The following CALN1 variants were observed in gnomAD, a reference collection of about 807,000 sequenced individuals.
The protein encoded by CALN1 is calcium-binding protein 8.
In CALN1, 17 loss-of-function variants were observed where a neutral mutation model predicts 30.6. The ratio of observed to expected loss-of-function variants is 0.56; its 90% CI spans 0.38 to 0.83. The LOEUF is 0.83. CALN1 is among the 40% of genes least tolerant of loss of function. The pLI is 0.00. For missense variants in CALN1, 291 were observed against 354.9 expected (o/e 0.82, Z 1.45); for synonymous variants, 156 against 131.4 (o/e 1.19, Z -1.28).
chr7:72,499,770 TTTCTTTCC>T, the CALN1 span, among the ~76,000 whole-genome samples: 88 of 127,064 alleles, frequency 6.9e-4, no homozygotes, highest in African/African-American at 1.0e-3. Flanking sequence ...CAAAACTTTC[TTTCTTTCC>T]TTCCTTCCTT....
chr7:72,029,239 G>A (rs1377753415), intron 4 of CALN1, among the ~76,000 whole-genome samples: 1 of 151,886 alleles, frequency 6.6e-6, no homozygotes, highest in Non-Finnish European at 1.5e-5. Context: ...CCATTCTCCT[G>A]CCTCAGCCTC....
chr7:72,032,830 C>T (rs1029859771), intron 4 of CALN1, among the ~76,000 whole-genome samples: 1 of 151,942 alleles, frequency 6.6e-6, no homozygotes, highest in Non-Finnish European at 1.5e-5. Context: ...AAGTCTCTTC[C>T]ACCAGAAAAG....
chr7:72,374,829 T>C (rs566080323), intron 2 of CALN1, among the ~76,000 whole-genome samples: 5 of 152,308 alleles, frequency 3.3e-5, no homozygotes, highest in African/African-American at 9.6e-5. Context: ...TATTACCACA[T>C]ATTTTGCTCA....
intron 5 of CALN1, among the ~76,000 whole-genome samples, chr7:71,852,810 G>T (rs960872383): frequency 2.0e-5 from 3 of 152,112 alleles, no homozygotes; most frequent in Admixed American, 6.6e-5. Context: ...CTAGACAAAT[G>T]ATGTTGTACG....
At chr7:72,070,799 T>G (rs1316321561) in intron 4 of CALN1, among the ~76,000 whole-genome samples, 2 of 152,216 alleles carry the variant, frequency 1.3e-5, no homozygotes, top group African/African-American at 4.8e-5. Context: ...GACCAAACTT[T>G]GCAGTTTTTA....
At chr7:72,128,206 C>A (rs777356494) in intron 3 of CALN1, among the ~76,000 whole-genome samples, 1 of 152,058 alleles carries the variant, frequency 6.6e-6, no homozygotes, top group African/African-American at 2.4e-5. Flanking sequence ...TAGGAAAACA[C>A]AAGCAATAGG....
chr7:71,947,557 G>A (rs1796467915), intron 5 of CALN1, among the ~76,000 whole-genome samples: 1 of 152,178 alleles, frequency 6.6e-6, no homozygotes, highest in South Asian at 2.1e-4. Context: ...TAAAAGTGAA[G>A]AAAATTATAC....
At chr7:72,308,788 G>C (rs1484782444) in intron 2 of CALN1, among the ~76,000 whole-genome samples, 1 of 152,102 alleles carries the variant, frequency 6.6e-6, no homozygotes, top group Non-Finnish European at 1.5e-5. Flanking sequence ...GGTGGGGGCA[G>C]AACAATAAAA....
chr7:71,931,308 C>G (rs1444227218), intron 5 of CALN1, among the ~76,000 whole-genome samples: 1 of 152,082 alleles, frequency 6.6e-6, no homozygotes, highest in Non-Finnish European at 1.5e-5. Flanking sequence ...CTCTGTCACC[C>G]AGGCTAGAGT....
intron 2 of CALN1, chr7:72,337,073 G>C: frequency 2.0e-6 from 2 of 985,710 alleles, no homozygotes; most frequent in Non-Finnish European, 2.4e-6. Context: ...CCCGCTGGCC[G>C]CGCGGGTTCA....
chr7:72,076,433 T>C (rs1209298030), intron 4 of CALN1, among the ~76,000 whole-genome samples: 3 of 150,612 alleles, frequency 2.0e-5, no homozygotes, highest in Admixed American at 6.6e-5. Context: ...ACCCCGTCTC[T>C]ACTAAAAATA....
intron 3 of CALN1, among the ~76,000 whole-genome samples, chr7:72,201,735 A>AT (rs147274313): frequency 0.15 from 20,683 of 141,532 alleles, 1,978 homozygotes; most frequent in East Asian, 0.27. Flanking sequence ...CTTGAATCTG[A>AT]TTAAAAAAAA....
At chr7:71,852,343 T>C (rs961888248) in intron 5 of CALN1, among the ~76,000 whole-genome samples, 1 of 151,974 alleles carries the variant, frequency 6.6e-6, no homozygotes. Context: ...TTTAGCTTTA[T>C]AAGAAACTGC....
chr7:72,490,281 C>T, the CALN1 span, among the ~76,000 whole-genome samples: 1 of 152,014 alleles, frequency 6.6e-6, no homozygotes, highest in East Asian at 1.9e-4. Flanking sequence ...CTCAATTATG[C>T]AATTATAAAA....
In CALN1 at chr7:71,783,325, G is replaced by A. The variant is rs922994668; in HGVS notation, c.*4450C>T. The A allele has an allele frequency of 3.9e-5, 6 of 152,116 alleles. No individual in the cohort carries two copies. Among genetic ancestry groups the A allele is most frequent in the South Asian group, 2.1e-4 (1 of 4,806 alleles). The allele number at this position is 152,116 out of a possible 1,614,324, so 9.4% of individuals were successfully genotyped here. On this transcript the variant is annotated 3_prime_UTR_variant, in exon 7 of 7. Transcript: ENST00000395275. Reference sequence around the variant, plus strand: ...CATCTCAGTTCATCTGTACCATCACGGTGATATAGGAAAAGGGGCCCTTCC... The same window carrying A: ...CATCTCAGTTCATCTGTACCATCACAGTGATATAGGAAAAGGGGCCCTTCC...
At chr7:71,970,692 G>A (rs1329812438) in intron 5 of CALN1, among the ~76,000 whole-genome samples, 4 of 151,606 alleles carry the variant, frequency 2.6e-5, no homozygotes, top group Admixed American at 6.6e-5. Context: ...TCGTCCCCGC[G>A]CTTTAACACT....
intron 3 of CALN1, among the ~76,000 whole-genome samples, chr7:72,143,416 C>G (rs1025275874): frequency 2.6e-5 from 4 of 152,070 alleles, no homozygotes; most frequent in African/African-American, 9.6e-5. Context: ...TAGAAGAGAA[C>G]TTTAGAGAAA....
chr7:72,501,976 TAC>T, the CALN1 span, among the ~76,000 whole-genome samples: 2 of 108,632 alleles, frequency 1.8e-5, no homozygotes, highest in Non-Finnish European at 3.6e-5. Flanking sequence ...TAAATATATA[TAC>T]ACACATATAT....
intron 5 of CALN1, among the ~76,000 whole-genome samples, chr7:71,881,552 A>G (rs1241403985): frequency 6.6e-6 from 1 of 152,124 alleles, no homozygotes; most frequent in Non-Finnish European, 1.5e-5. Context: ...AAGAAGCCAC[A>G]ATGTTGATAT....
Sources: allele counts gnomAD v4.1 joint callset (sites outside exome capture counted in the v4.1 genomes callset), GRCh38; gene constraint gnomAD v4.1.1; transcripts MANE v1.5; gene names NCBI Gene and HGNC (gene_info 2026-07-23, HGNC 2026-07-21).